Variants in MME observed in about 807,000 individuals in gnomAD.
The protein encoded by MME is membrane metalloendopeptidase, also known as neprilysin.
In MME, 98 loss-of-function variants were observed where a neutral mutation model predicts 113.2. The ratio of observed to expected loss-of-function variants is 0.87; its 90% CI spans 0.74 to 1.02. MME has a LOEUF of 1.02. Among genes scored for constraint, MME ranks in the 50% least tolerant of loss-of-function variants. The probability of loss-of-function intolerance (pLI) is 0.00; values close to 1 mark genes in which losing one functional copy is unlikely to be tolerated. For missense variants in MME, 836 were observed against 896.0 expected, an observed-to-expected ratio of 0.93 and a Z score of 0.86; for synonymous variants, 292 against 300.6, an observed-to-expected ratio of 0.97 and a Z score of 0.30.
chr3:155,122,161 G>A (rs1182845435), intron 8 of MME, among the ~76,000 whole-genome samples: 11 of 146,414 alleles, frequency 7.5e-5, no homozygotes, highest in South Asian at 2.2e-4. Context: ...TGTATGTGTC[G>A]AGGAATTTAT....
At chr3:155,117,105 AG>A (rs1266038581) in intron 7 of MME, 119 bp downstream of exon 7, 1 of 721,334 alleles carries the variant, frequency 1.4e-6, no homozygotes, top group Non-Finnish European at 2.5e-6. Flanking sequence ...ATAAGCAAGG[AG>A]GTAGTATATC....
In MME at chr3:155,140,355, C is replaced by T. The variant is rs1262988655; in HGVS notation, c.957+63C>T. On this transcript the variant is annotated intron_variant, in intron 10 of 22. Coordinates refer to ENST00000360490, the MANE Select transcript of MME (RefSeq NM_007289.4). Reference sequence around the variant, plus strand: ...TTTTCTAAATTATAACATTGAAATACTCTTTCTAAAATTCGTCAAGTTTTT... The same window carrying T: ...TTTTCTAAATTATAACATTGAAATATTCTTTCTAAAATTCGTCAAGTTTTT... 3 of 927,028 alleles carry T rather than the reference C, an allele frequency of 3.2e-6. No homozygotes were observed. The East Asian group carries it at 9.4e-5, about 29-fold the overall frequency. The allele number at this position is 927,028 out of a possible 1,614,324, so 57.4% of individuals were successfully genotyped here.
At chr3:155,089,989 G>C in intron 3 of MME, 1 of 323,260 alleles carries the variant, frequency 3.1e-6, no homozygotes. Flanking sequence ...ACAGAGAATT[G>C]AGGGGTCTGC....
chr3:155,082,208 C>T lies in MME; in HGVS notation c.-11+1742C>T, dbSNP rs553350640. Among the ~76,000 whole-genome samples the T allele has an allele frequency of 5.1e-4, 77 of 152,168 alleles. 1 individual carries two copies. Among genetic ancestry groups the T allele is most frequent in the Admixed American group, 2.6e-3 (39 of 15,286 alleles). On this transcript the variant is annotated intron_variant, in intron 1 of 22. Coordinates refer to ENST00000360490, the MANE Select transcript of MME (RefSeq NM_007289.4). Reference sequence around the variant, plus strand: ...CTGAGGCTGCCCTGGTTCACCCCTTCGCTTTACTTTACAGGGACACTGACT... The same window carrying T: ...CTGAGGCTGCCCTGGTTCACCCCTTTGCTTTACTTTACAGGGACACTGACT...
chr3:155,168,905 T>C, intron 20 of MME, 108 bp downstream of exon 20: 1 of 922,438 alleles, frequency 1.1e-6, no homozygotes, highest in African/African-American at 1.7e-5. Context: ...AAGCAGTAAA[T>C]GATGAATAGA....
chr3:155,030,844 C>A (rs1234035452), intron 1 of MME, among the ~76,000 whole-genome samples: 2 of 152,128 alleles, frequency 1.3e-5, no homozygotes, highest in East Asian at 1.9e-4. Flanking sequence ...GCCTTGTATG[C>A]CCCACAGATG....
intron 1 of MME, among the ~76,000 whole-genome samples, chr3:155,059,989 G>A (rs919838200): frequency 6.6e-5 from 10 of 152,296 alleles, no homozygotes; most frequent in Non-Finnish European, 1.2e-4. Flanking sequence ...TCTCCAAGTA[G>A]GAGTTGTTAA....
rs1712085380 is a variant in MME, at chr3:155,172,471, G to T, written c.2077-65G>T. 5.4e-6 allele frequency: 7 copies of T among 1,298,862 alleles called. No individual in the cohort carries two copies. The Admixed American group carries it at 1.0e-4, about 19-fold the overall frequency. 80.5% of individuals were successfully genotyped at this position (1,298,862 alleles called of 1,614,324 possible). A position where few individuals can be genotyped will look rare whatever the true frequency, so the allele number is the denominator to read the frequency against. ...TAATTTTTCTCCTTCCCCTCAACTT[G>T]CTCAAACAAATAATCCTTGATTGAA... On this transcript the variant is annotated intron_variant, in intron 21 of 22. Coordinates refer to ENST00000360490, the MANE Select transcript of MME (RefSeq NM_007289.4).
intron 10 of MME, 35 bp from the exon 11 acceptor site, chr3:155,141,956 C>T: frequency 6.2e-7 from 1 of 1,612,402 alleles, no homozygotes; most frequent in African/African-American, 1.3e-5. Flanking sequence ...GAGAAATCCA[C>T]AATTTCTGAA....
chr3:155,166,899 T>C lies in MME; in HGVS notation c.1661-3T>C. 2 of 1,613,616 alleles carry C rather than the reference T, an allele frequency of 1.2e-6. No individual in the cohort carries two copies. Among genetic ancestry groups the C allele is most frequent in the Non-Finnish European group, 1.7e-6 (2 of 1,179,668 alleles). On this transcript the variant is annotated splice_polypyrimidine_tract_variant and splice_region_variant and intron_variant, in intron 17 of 22. Coordinates refer to ENST00000360490, the MANE Select transcript of MME (RefSeq NM_007289.4). ...AATCTCTAACTATCTTCTCTCCTTG[T>C]AGTCTTCCCAGCCGGCATTCTGCAG...
chr3:155,140,213 G>T lies in MME; in HGVS notation c.878G>T (p.Arg293Leu). 1 of 1,611,646 alleles carries T rather than the reference G, an allele frequency of 6.2e-7. No homozygotes were observed. Among genetic ancestry groups the T allele is most frequent in the Non-Finnish European group, 8.5e-7 (1 of 1,178,650 alleles). The change falls in exon 10 of 23, where the codon CGA becomes CTA. Residue 293 changes from arginine to leucine, a missense_variant. By Grantham distance (102) the Arg-to-Leu change is moderately radical. Coordinates refer to ENST00000360490, the MANE Select transcript of MME (RefSeq NM_007289.4). ...TAGGCTACGGCTAAACCTGAAGATC[G>T]AAATGATCCAATGCTTCTGTATAAC... ...IANATAKPED[R>L]NDPMLLYNKM...
chr3:155,032,384 A>G (rs185514332), intron 1 of MME, among the ~76,000 whole-genome samples: 1 of 152,314 alleles, frequency 6.6e-6, no homozygotes, highest in Admixed American at 6.5e-5. Flanking sequence ...AAATGTTGCA[A>G]ACTCTAACAA....
intron 1 of MME, among the ~76,000 whole-genome samples, chr3:155,027,440 G>T (rs1275445429): frequency 6.6e-6 from 1 of 152,190 alleles, no homozygotes; most frequent in Admixed American, 6.5e-5. Flanking sequence ...TCCCTGCTGT[G>T]CTTGTTCAGC....
intron 1 of MME, among the ~76,000 whole-genome samples, chr3:155,049,036 C>A (rs1713661110): frequency 6.6e-6 from 1 of 152,084 alleles, no homozygotes; most frequent in Non-Finnish European, 1.5e-5. Context: ...GCCCTGAAAT[C>A]TCCCATTTTA....
intron 1 of MME, among the ~76,000 whole-genome samples, chr3:155,051,772 A>G (rs1446610345): frequency 6.6e-6 from 1 of 152,152 alleles, no homozygotes; most frequent in East Asian, 1.9e-4. Flanking sequence ...ACCAAATCTC[A>G]TGTCCTCACA....
chr3:155,094,095 A>G (rs994799072), intron 3 of MME, among the ~76,000 whole-genome samples: 3 of 152,216 alleles, frequency 2.0e-5, no homozygotes, highest in African/African-American at 7.2e-5. Flanking sequence ...AAATTCCAAC[A>G]ACTGATATGT....
chr3:155,166,968 G>A lies in MME; in HGVS notation c.1727G>A (p.Gly576Glu), dbSNP rs774137327. The A allele has an allele frequency of 6.2e-7, 1 of 1,613,720 alleles. No individual in the cohort carries two copies. The highest frequency in any genetic ancestry group is 8.5e-7 in the Non-Finnish European group (1 of 1,179,780). The change falls in exon 18 of 23, where the codon GGG becomes GAG. Residue 576 changes from glycine to glutamate, a missense_variant. Transcript: ENST00000360490. ...SAQQSNSLNY[G>E]GIGMVIGHEI... ...CAGCAGTCCAACTCATTGAACTATG[G>A]GGGCATCGGCATGGTCATAGGACAC...
At chr3:155,030,936 T>C (rs944400539) in intron 1 of MME, among the ~76,000 whole-genome samples, 2 of 152,188 alleles carry the variant, frequency 1.3e-5, no homozygotes, top group Non-Finnish European at 2.9e-5. Context: ...TCAAGAGTCA[T>C]ATGAATAATT....
At chr3:155,126,945 T>G (rs1402872197) in intron 8 of MME, among the ~76,000 whole-genome samples, 1 of 147,838 alleles carries the variant, frequency 6.8e-6, no homozygotes, top group Admixed American at 6.9e-5. Context: ...AGATAAAGGT[T>G]GCAGTGAGCC....
Sources: gnomAD v4.1 joint callset for allele counts (sites outside exome capture counted in the v4.1 genomes callset) on GRCh38, gnomAD v4.1.1 for gene constraint, MANE v1.5 for transcripts, NCBI Gene and HGNC (gene_info 2026-07-23, HGNC 2026-07-21) for gene names.